Variants in SPOCK1 observed in about 807,000 individuals in gnomAD.
SPOCK1 encodes the protein testican-1.
In SPOCK1, 23 loss-of-function variants were observed where a neutral mutation model predicts 55.3. The observed-to-expected ratio is 0.42, with a 90% confidence interval of 0.30 to 0.59. The LOEUF is 0.59. Ranked by LOEUF, SPOCK1 falls within the 20% of genes least tolerant of loss-of-function variation. The probability of loss-of-function intolerance (pLI) is 0.22; values close to 1 mark genes in which losing one functional copy is unlikely to be tolerated. For missense variants in SPOCK1, 499 were observed against 552.5 expected (o/e 0.90, Z 0.97); for synonymous variants, 226 against 221.0 (o/e 1.02, Z -0.20).
chr5:137,177,518 G>A (rs1754878638), intron 3 of SPOCK1, among the ~76,000 whole-genome samples: 1 of 152,146 alleles, frequency 6.6e-6, no homozygotes, highest in Non-Finnish European at 1.5e-5. Context: ...TGGGAATCAT[G>A]CAGTCGTGGC....
intron 6 of SPOCK1, among the ~76,000 whole-genome samples, chr5:137,025,872 CATG>C: frequency 6.6e-6 from 1 of 152,306 alleles, no homozygotes; most frequent in South Asian, 2.1e-4. Flanking sequence ...TCCAGTCCAT[CATG>C]AGCCTCCTTC....
At chr5:137,467,176 A>G (rs1384972772) in intron 2 of SPOCK1, among the ~76,000 whole-genome samples, 7 of 152,246 alleles carry the variant, frequency 4.6e-5, no homozygotes, top group Non-Finnish European at 7.3e-5. Flanking sequence ...GAGGGCACAC[A>G]AGCTGGAAGT....
intron 4 of SPOCK1, among the ~76,000 whole-genome samples, chr5:137,140,058 T>C (rs58482580): frequency 0.049 from 7,448 of 152,180 alleles, 336 homozygotes; most frequent in East Asian, 0.13. Flanking sequence ...GGAAATAGCA[T>C]GTTCCCAGAA....
intron 5 of SPOCK1, among the ~76,000 whole-genome samples, chr5:137,107,182 T>C (rs74972476): frequency 2.0e-5 from 3 of 152,330 alleles, no homozygotes; most frequent in Non-Finnish European, 4.4e-5. Flanking sequence ...ACCTTCCTTG[T>C]AAGTTCCATG....
chr5:137,384,116 G>A (rs1751544737), intron 2 of SPOCK1, among the ~76,000 whole-genome samples: 1 of 152,212 alleles, frequency 6.6e-6, no homozygotes, highest in South Asian at 2.1e-4. Context: ...CAGGCACAAG[G>A]ACTGTCAGCA....
chr5:137,310,325 T>G (rs935264297), intron 2 of SPOCK1, among the ~76,000 whole-genome samples: 1 of 152,196 alleles, frequency 6.6e-6, no homozygotes, highest in Non-Finnish European at 1.5e-5. Context: ...AGGAAAAAAG[T>G]AAGCAGACCT....
chr5:137,300,711 C>T (rs1757572911), intron 2 of SPOCK1, among the ~76,000 whole-genome samples: 1 of 150,542 alleles, frequency 6.6e-6, no homozygotes, highest in African/African-American at 2.5e-5. Flanking sequence ...TGCTCCCCTT[C>T]TGTGGTTCCG....
chr5:137,433,862 AG>A, intron 2 of SPOCK1, among the ~76,000 whole-genome samples: 1 of 150,762 alleles, frequency 6.6e-6, no homozygotes, highest in African/African-American at 2.5e-5. Context: ...CAAATAATTG[AG>A]GGGAAAAAAA....
intron 2 of SPOCK1, among the ~76,000 whole-genome samples, chr5:137,309,795 C>G (rs1006626691): frequency 6.6e-6 from 1 of 151,980 alleles, no homozygotes; most frequent in South Asian, 2.1e-4. Flanking sequence ...TAAGAAAATG[C>G]ATGTGAAGCA....
intron 2 of SPOCK1, among the ~76,000 whole-genome samples, chr5:137,366,207 G>A (rs1245997567): frequency 6.6e-6 from 1 of 152,116 alleles, no homozygotes; most frequent in East Asian, 1.9e-4. Context: ...GAATAAGACA[G>A]CACTGTTCAA....
chr5:137,073,588 C>G (rs1278016713), intron 5 of SPOCK1, among the ~76,000 whole-genome samples: 1 of 152,098 alleles, frequency 6.6e-6, no homozygotes, highest in African/African-American at 2.4e-5. Context: ...GGTACACACA[C>G]ATTTCTATGA....
chr5:137,219,606 T>G (rs2127086779), intron 3 of SPOCK1, among the ~76,000 whole-genome samples: 1 of 152,300 alleles, frequency 6.6e-6, no homozygotes, highest in Middle Eastern at 3.4e-3. Flanking sequence ...CAGGTCAAAT[T>G]TCATGAGAAA....
At chr5:137,193,520 A>C (rs1212965810) in intron 3 of SPOCK1, among the ~76,000 whole-genome samples, 1 of 152,232 alleles carries the variant, frequency 6.6e-6, no homozygotes, top group Admixed American at 6.5e-5. Flanking sequence ...ACCATTCTCT[A>C]GCAAATTAAG....
chr5:137,438,580 A>T (rs907169490), intron 2 of SPOCK1, among the ~76,000 whole-genome samples: 1 of 152,170 alleles, frequency 6.6e-6, no homozygotes, highest in Admixed American at 6.5e-5. Context: ...CTACAGCCCA[A>T]TCTATCACCA....
intron 3 of SPOCK1, among the ~76,000 whole-genome samples, chr5:137,200,546 G>A (rs1755405603): frequency 6.6e-6 from 1 of 152,184 alleles, no homozygotes; most frequent in South Asian, 2.1e-4. Context: ...ACTGTTGCTA[G>A]AACAGTGTTT....
At chr5:137,026,823 C>T (rs573697442) in intron 6 of SPOCK1, among the ~76,000 whole-genome samples, 1 of 152,264 alleles carries the variant, frequency 6.6e-6, no homozygotes, top group East Asian at 1.9e-4. Flanking sequence ...GAACAGCAGG[C>T]TGGATGGCTT....
At chr5:137,173,637 A>G (rs1333395021) in intron 3 of SPOCK1, among the ~76,000 whole-genome samples, 1 of 152,194 alleles carries the variant, frequency 6.6e-6, no homozygotes, top group African/African-American at 2.4e-5. Flanking sequence ...ACAAATCGGT[A>G]TTTCTTGAAT....
chr5:136,985,287 A>G (rs955619397), intron 8 of SPOCK1, 85 bp from the exon 9 acceptor site: 1 of 1,255,108 alleles, frequency 8.0e-7, no homozygotes, highest in Middle Eastern at 1.9e-4. Flanking sequence ...TGTGAAATGT[A>G]GACAATGACA....
intron 3 of SPOCK1, among the ~76,000 whole-genome samples, chr5:137,155,909 T>C (rs1754407214): frequency 6.6e-6 from 1 of 152,204 alleles, no homozygotes; most frequent in Non-Finnish European, 1.5e-5. Context: ...TCCTGAAAAG[T>C]TTCTCTCATT....
Sources: gnomAD v4.1 joint callset for allele counts (sites outside exome capture counted in the v4.1 genomes callset) on GRCh38, gnomAD v4.1.1 for gene constraint, MANE v1.5 for transcripts, NCBI Gene and HGNC (gene_info 2026-07-23, HGNC 2026-07-21) for gene names.